CPB2: variants seen among roughly 807,000 people sequenced by gnomAD.
The protein encoded by CPB2 is carboxypeptidase B-like protein.
Under a neutral mutation model 57.0 loss-of-function variants are expected in CPB2, and 54 were observed. The observed-to-expected ratio is 0.95, with a 90% CI of 0.76 to 1.19. The LOEUF is 1.19. CPB2 is among the 50% of genes most tolerant of loss of function. CPB2 has a pLI of 0.00. For missense variants in CPB2, 426 were observed against 512.0 expected, an observed-to-expected ratio of 0.83 and a Z score of 1.62; for synonymous variants, 189 against 178.1, an observed-to-expected ratio of 1.06 and a Z score of -0.49.
intron 10 of CPB2, among the ~76,000 whole-genome samples, chr13:46,054,085 T>C (rs923542728): frequency 6.6e-6 from 1 of 152,228 alleles, no homozygotes; most frequent in Non-Finnish European, 1.5e-5. Context: ...TCATTTATAC[T>C]TCCACAAGCA....
chr13:46,053,577 A>C lies in CPB2; in HGVS notation c.*37T>G. 6.3e-7 allele frequency: 1 copy of C among 1,592,544 alleles called. No individual in the cohort carries two copies. The highest frequency in any genetic ancestry group is 8.6e-7 in the Non-Finnish European group (1 of 1,166,212). ...GATTTGGTCTTGCTGGAATCAGTAAATTAAAATACGGAAGCAGAATGATAA... is the reference window on the plus strand; with the variant it reads ...GATTTGGTCTTGCTGGAATCAGTAACTTAAAATACGGAAGCAGAATGATAA... On this transcript the variant is annotated 3_prime_UTR_variant, in exon 11 of 11. Coordinates refer to ENST00000181383, the MANE Select transcript of CPB2 (RefSeq NM_001872.5).
intron 9 of CPB2, among the ~76,000 whole-genome samples, chr13:46,057,666 A>G (rs2139344774): frequency 6.6e-6 from 1 of 152,328 alleles, no homozygotes. Flanking sequence ...GTTATGTTCC[A>G]AAAAACAGAC....
chr13:46,097,849 C>T (rs2045387330), intron 1 of CPB2, among the ~76,000 whole-genome samples: 1 of 152,174 alleles, frequency 6.6e-6, no homozygotes, highest in Non-Finnish European at 1.5e-5. Flanking sequence ...TTTAAATCTA[C>T]AAATATGGAC....
At chr13:46,087,919 CAA>C in intron 1 of CPB2, 99 bp from the exon 2 acceptor site, 1 of 743,404 alleles carries the variant, frequency 1.3e-6, no homozygotes, top group Non-Finnish European at 2.2e-6. Flanking sequence ...AAAAGGGAAA[CAA>C]AATTTAAAAT....
At position 46,058,212 on chromosome 13, in the gene CPB2, A is replaced by G. The variant is rs1411886697; in HGVS notation, c.966T>C (p.Tyr322=). ...YSQHIVFPYS[Y]TRSKSKDHEE... ...CATGGTCTTTGCTTTTACTTCGTGTATAGGAATATGGAAACACTATATGCT... is the reference window on the plus strand; with the variant it reads ...CATGGTCTTTGCTTTTACTTCGTGTGTAGGAATATGGAAACACTATATGCT... The change falls in exon 9 of 11, where the codon TAT becomes TAC. Residue 322 remains tyrosine (Y), a synonymous_variant. Coordinates refer to ENST00000181383, the MANE Select transcript of CPB2 (RefSeq NM_001872.5). 8 of 1,613,996 alleles carry G rather than the reference A, an allele frequency of 5.0e-6. No individual in the cohort carries two copies. Among genetic ancestry groups the G allele is most frequent in the Non-Finnish European group, 6.8e-6 (8 of 1,179,862 alleles).
At chr13:46,090,272 C>A (rs959126934) in intron 1 of CPB2, among the ~76,000 whole-genome samples, 3 of 150,794 alleles carry the variant, frequency 2.0e-5, no homozygotes, top group Non-Finnish European at 4.4e-5. Context: ...TATATTGGAT[C>A]AATAGATTAA....
At chr13:46,103,742 T>C (rs1430435301) in intron 1 of CPB2, among the ~76,000 whole-genome samples, 1 of 152,172 alleles carries the variant, frequency 6.6e-6, no homozygotes, top group African/African-American at 2.4e-5. Flanking sequence ...AAGTTGGACA[T>C]GTTGATACCA....
At chr13:46,088,312 T>G (rs1007835487) in intron 1 of CPB2, among the ~76,000 whole-genome samples, 1 of 152,224 alleles carries the variant, frequency 6.6e-6, no homozygotes, top group African/African-American at 2.4e-5. Context: ...GCTCATTCCC[T>G]TGTTTTTCTT....
chr13:46,081,190 T>C (rs2045110709), intron 4 of CPB2, among the ~76,000 whole-genome samples: 1 of 152,144 alleles, frequency 6.6e-6, no homozygotes, highest in Non-Finnish European at 1.5e-5. Context: ...AATAGAGCCA[T>C]GTGCTTATTT....
intron 9 of CPB2, among the ~76,000 whole-genome samples, chr13:46,057,557 C>G (rs770796778): frequency 2.6e-5 from 4 of 152,182 alleles, no homozygotes; most frequent in Non-Finnish European, 5.9e-5. Flanking sequence ...AGAATCCTTG[C>G]ATCTTTTGCC....
chr13:46,094,547 C>G lies in CPB2; in HGVS notation c.75-6727G>C, dbSNP rs17844173. ...ACATGCCATTACAGAACTGAGCTCT[C>G]TGATACCAATGGAGATGTTAAGATC... On this transcript the variant is annotated intron_variant, in intron 1 of 10. Coordinates refer to ENST00000181383, the MANE Select transcript of CPB2 (RefSeq NM_001872.5). 1.6e-3 allele frequency among the ~76,000 whole-genome samples: 245 copies of G among 152,282 alleles called. 2 individuals carry two copies. The highest frequency in any genetic ancestry group is 5.3e-3 in the African/African-American group (222 of 41,560).
chr13:46,067,582 G>A (rs2044875929), intron 6 of CPB2, among the ~76,000 whole-genome samples, 165 bp from the exon 7 acceptor site: 1 of 152,056 alleles, frequency 6.6e-6, no homozygotes, highest in Non-Finnish European at 1.5e-5. Context: ...AGGGTGCTAC[G>A]AAGTGGTGAT....
intron 3 of CPB2, 75 bp from the exon 4 acceptor site, chr13:46,082,624 A>G: frequency 1.2e-6 from 1 of 838,494 alleles, no homozygotes; most frequent in South Asian, 1.6e-5. Context: ...TTGCAGGCAC[A>G]GCAGGTGAGC....
intron 1 of CPB2, among the ~76,000 whole-genome samples, chr13:46,096,955 G>A (rs1420430636): frequency 6.6e-6 from 1 of 152,142 alleles, no homozygotes; most frequent in Non-Finnish European, 1.5e-5. Context: ...ATGGAGAGTG[G>A]CAAGTGACAT....
chr13:46,065,397 C>T (rs989821525), intron 7 of CPB2, among the ~76,000 whole-genome samples: 9 of 152,102 alleles, frequency 5.9e-5, no homozygotes, highest in East Asian at 3.9e-4. Context: ...GAGGCCGAGG[C>T]GGGCGGATCA....
chr13:46,087,705 A>G, intron 2 of CPB2, 40 bp downstream of exon 2: 1 of 1,412,608 alleles, frequency 7.1e-7, no homozygotes, highest in Non-Finnish European at 1.0e-6. Context: ...GTGCTTATAC[A>G]AAGTGAAACC....
At chr13:46,091,067 C>T (rs989113102) in intron 1 of CPB2, among the ~76,000 whole-genome samples, 12 of 152,282 alleles carry the variant, frequency 7.9e-5, no homozygotes, top group Admixed American at 2.0e-4. Context: ...TTTGCCTTTT[C>T]GTTAGTAAAT....
intron 6 of CPB2, 108 bp downstream of exon 6, chr13:46,073,765 T>C: frequency 3.1e-6 from 2 of 647,430 alleles, no homozygotes; most frequent in Non-Finnish European, 4.8e-6. Flanking sequence ...CCAAGCTTCA[T>C]GATGTGACCT....
chr13:46,085,872 G>T (rs540174063), intron 2 of CPB2, among the ~76,000 whole-genome samples: 1 of 152,338 alleles, frequency 6.6e-6, no homozygotes, highest in South Asian at 2.1e-4. Context: ...GAGCCCACTC[G>T]GCCTGGCAGG....
Sources: gnomAD v4.1 joint callset for allele counts (sites outside exome capture counted in the v4.1 genomes callset) on GRCh38, gnomAD v4.1.1 for gene constraint, MANE v1.5 for transcripts, NCBI Gene and HGNC (gene_info 2026-07-23, HGNC 2026-07-21) for gene names.